Variants in DNAH11 observed in about 807,000 individuals in gnomAD.
DNAH11 encodes the protein axonemal beta dynein heavy chain 11.
DNAH11 carries 442 observed loss-of-function variants against 526.0 expected under a neutral mutation model. The observed-to-expected ratio is 0.84, with a 90% CI of 0.78 to 0.91. The LOEUF (loss-of-function observed/expected upper bound fraction) is 0.91, where lower values mean the gene tolerates loss of function less well. Among genes scored for constraint, DNAH11 ranks in the 40% least tolerant of loss-of-function variants. The pLI is 0.00. For synonymous variants in DNAH11, 2,461 were observed against 1,935.9 expected (o/e 1.27, Z -7.12); for missense variants, 6,989 against 5,448.7 (o/e 1.28, Z -8.90).
chr7:21,846,019 T>C (rs1782403318), intron 66 of DNAH11, among the ~76,000 whole-genome samples: 1 of 152,184 alleles, frequency 6.6e-6, no homozygotes, highest in African/African-American at 2.4e-5. Flanking sequence ...TGTTTTAAAT[T>C]TCAAATTCCA....
intron 76 of DNAH11, among the ~76,000 whole-genome samples, chr7:21,885,127 G>A (rs1784078232): frequency 7.5e-6 from 1 of 133,694 alleles, no homozygotes; most frequent in Admixed American, 8.1e-5. Flanking sequence ...TATCAACCAA[G>A]GGCAAGGTAA....
chr7:21,578,796 A>T (rs889018740), intron 8 of DNAH11, among the ~76,000 whole-genome samples: 1 of 152,190 alleles, frequency 6.6e-6, no homozygotes, highest in African/African-American at 2.4e-5. Flanking sequence ...TGTGCCAAAC[A>T]CAACTGCCTA....
chr7:21,690,613 T>C (rs531406153), intron 34 of DNAH11, among the ~76,000 whole-genome samples, 152 bp from the exon 35 acceptor site: 2 of 152,320 alleles, frequency 1.3e-5, no homozygotes, highest in African/African-American at 2.4e-5. Flanking sequence ...TCAAAACATA[T>C]TCAAAATATG....
chr7:21,837,400 AAAG>A (rs1485729261), intron 65 of DNAH11, among the ~76,000 whole-genome samples: 23 of 152,216 alleles, frequency 1.5e-4, no homozygotes, highest in African/African-American at 5.3e-4. Flanking sequence ...CAGTCATAAA[AAAG>A]AATAAAATCC....
intron 65 of DNAH11, among the ~76,000 whole-genome samples, chr7:21,827,188 C>T (rs918737931): frequency 5.3e-5 from 8 of 152,102 alleles, no homozygotes; most frequent in Admixed American, 1.3e-4. Flanking sequence ...GGCCACAGGC[C>T]GACAACAGCT....
At chr7:21,677,911 C>T (rs1177600928) in intron 30 of DNAH11, among the ~76,000 whole-genome samples, 1 of 152,104 alleles carries the variant, frequency 6.6e-6, no homozygotes, top group Non-Finnish European at 1.5e-5. Context: ...TTGCCCATTG[C>T]TAATCAGCCT....
rs534382029 is a variant in DNAH11 at position 21,835,160 on chromosome 7, T to C, written c.10692-7384T>C. On this transcript the variant is annotated intron_variant, in intron 65 of 81. Coordinates refer to ENST00000409508, the MANE Select transcript of DNAH11 (RefSeq NM_001277115.2). ...AAGAAGAGCCCTAGGACCTGATGCATTTACTGCAGAATTCTATCAAACATT... is the reference window on the plus strand; with the variant it reads ...AAGAAGAGCCCTAGGACCTGATGCACTTACTGCAGAATTCTATCAAACATT... 2.6e-5 allele frequency among the ~76,000 whole-genome samples: 4 copies of C among 151,602 alleles called. No homozygotes were observed. The East Asian group carries it at 7.8e-4, about 29-fold the overall frequency.
At chr7:21,635,842 C>G (rs939945074) in intron 25 of DNAH11, 29 bp from the exon 26 acceptor site, 1 of 1,557,090 alleles carries the variant, frequency 6.4e-7, no homozygotes, top group Non-Finnish European at 8.7e-7. Context: ...AATTTAGCTA[C>G]TATTTAAAAT....
At chr7:21,771,364 C>T (rs950752899) in intron 55 of DNAH11, among the ~76,000 whole-genome samples, 2 of 152,130 alleles carry the variant, frequency 1.3e-5, no homozygotes, top group Non-Finnish European at 2.9e-5. Context: ...TTGTCATTTT[C>T]AAGAGGAATA....
intron 2 of DNAH11, among the ~76,000 whole-genome samples, chr7:21,549,482 A>T (rs1782936385): frequency 6.6e-6 from 1 of 152,202 alleles, no homozygotes; most frequent in Non-Finnish European, 1.5e-5. Context: ...GGGTTGGAGT[A>T]GTCCCAGGCA....
intron 43 of DNAH11, among the ~76,000 whole-genome samples, chr7:21,718,359 CA>C (rs1784749521): frequency 6.6e-6 from 1 of 152,106 alleles, no homozygotes; most frequent in African/African-American, 2.4e-5. Context: ...AGAAGGTGCT[CA>C]GTATGTTTTC....
At chr7:21,755,855 A>G (rs1279659300) in intron 54 of DNAH11, among the ~76,000 whole-genome samples, 1 of 152,134 alleles carries the variant, frequency 6.6e-6, no homozygotes, top group Non-Finnish European at 1.5e-5. Flanking sequence ...CTAAATAACT[A>G]TTTGTAGAAA....
chr7:21,544,727 A>AT lies in DNAH11; in HGVS notation c.352-269dup, dbSNP rs549074195. 5.1e-3 allele frequency among the ~76,000 whole-genome samples: 763 copies of AT among 150,336 alleles called. 1 individual carries two copies. Among genetic ancestry groups the AT allele is most frequent in the Non-Finnish European group, 7.7e-3 (522 of 67,464 alleles). On this transcript the variant is annotated intron_variant, in intron 1 of 81. Coordinates refer to ENST00000409508, the MANE Select transcript of DNAH11 (RefSeq NM_001277115.2). ...CTCCTTATTTGTTTTTAGTTATAAG[A>AT]TTTTTTTTTTGGTGTATAATGAACT... is the stretch of plus-strand genomic sequence containing the variant.
Position 21,843,404 on chromosome 7 carries a change from G to T in DNAH11, c.10896+656G>T, listed in dbSNP as rs893743213. On this transcript the variant is annotated intron_variant, in intron 66 of 81. Coordinates refer to ENST00000409508, the MANE Select transcript of DNAH11 (RefSeq NM_001277115.2). ...ACTAGTGAAGAATAAAAGATAAAAG[G>T]CAAGTAAGGGAAGACAAAGGCATAT... Among the ~76,000 whole-genome samples, 5 of 151,842 alleles carry T rather than the reference G, an allele frequency of 3.3e-5. No homozygotes were observed. In the East Asian group the frequency reaches 7.7e-4, roughly 23 times the overall value.
chr7:21,602,212 C>T (rs1320071450), intron 18 of DNAH11, among the ~76,000 whole-genome samples: 1 of 151,990 alleles, frequency 6.6e-6, no homozygotes, highest in Non-Finnish European at 1.5e-5. Context: ...TGGTGGCACG[C>T]ACCTGTAGTC....
At chr7:21,705,675 G>A (rs1321509336) in intron 39 of DNAH11, 138 bp downstream of exon 39, 2 of 748,822 alleles carry the variant, frequency 2.7e-6, no homozygotes, top group African/African-American at 3.5e-5. Context: ...TCTGAGACTG[G>A]AATCTTGCTG....
intron 74 of DNAH11, among the ~76,000 whole-genome samples, chr7:21,880,345 A>G (rs901522938): frequency 2.6e-5 from 4 of 152,210 alleles, no homozygotes; most frequent in Non-Finnish European, 5.9e-5. Context: ...ATTCTACTAC[A>G]GTGATGAAAT....
intron 65 of DNAH11, among the ~76,000 whole-genome samples, chr7:21,836,106 C>G (rs1257150772): frequency 1.3e-5 from 2 of 152,008 alleles, no homozygotes; most frequent in Admixed American, 6.6e-5. Flanking sequence ...GAAGAGGACA[C>G]AGACAAATGG....
intron 14 of DNAH11, among the ~76,000 whole-genome samples, chr7:21,594,100 T>A (rs867775795): frequency 4.5e-5 from 3 of 67,080 alleles, no homozygotes; most frequent in Admixed American, 2.9e-4. Flanking sequence ...ACACACACAC[T>A]CTGAAGCCAT....
Sources: gnomAD v4.1 joint callset for allele counts (sites outside exome capture counted in the v4.1 genomes callset) on GRCh38, gnomAD v4.1.1 for gene constraint, MANE v1.5 for transcripts, NCBI Gene and HGNC (gene_info 2026-07-23, HGNC 2026-07-21) for gene names.